Variants in ODAD2 observed in about 807,000 individuals in gnomAD.
ODAD2 encodes the protein outer dynein arm docking complex subunit 2, also known as outer dynein arm-docking complex subunit 2.
ODAD2 carries 89 observed loss-of-function variants against 106.8 expected under a neutral mutation model. That is an observed-to-expected ratio of 0.83 (90% CI 0.70 to 0.99). The LOEUF (loss-of-function observed/expected upper bound fraction) is 0.99, where lower values mean the gene tolerates loss of function less well. Among genes scored for constraint, ODAD2 ranks in the 50% least tolerant of loss-of-function variants. ODAD2 has a pLI of 0.00. For missense variants in ODAD2, 1,168 were observed against 1,238.5 expected (o/e 0.94, Z 0.85); for synonymous variants, 404 against 436.2 (o/e 0.93, Z 0.92).
chr10:27,843,488 G>A (rs1005963537), intron 19 of ODAD2, among the ~76,000 whole-genome samples: 6 of 152,128 alleles, frequency 3.9e-5, no homozygotes, highest in South Asian at 2.1e-4. Flanking sequence ...ACTGAGGGCC[G>A]GGCATGGTGG....
At chr10:27,969,139 G>C in intron 8 of ODAD2, 121 bp from the exon 9 acceptor site, 6 of 657,642 alleles carry the variant, frequency 9.1e-6, no homozygotes, top group Non-Finnish European at 1.6e-5. Flanking sequence ...GCGTGTTCCT[G>C]ACAAGAGTTC....
In ODAD2 at chr10:27,897,791, G is replaced by A. The variant is rs575754678; in HGVS notation, c.2610+9872C>T. Among the ~76,000 whole-genome samples the A allele has an allele frequency of 5.3e-5, 8 of 152,208 alleles. No individual in the cohort carries two copies. In the South Asian group the frequency reaches 8.3e-4, roughly 16 times the overall value. ...GTCTTTCCTTTAAGACAAGAAGAGGGCTGGAGGCAGGGAGTATTCAGAGGG... is the reference window on the plus strand; with the variant it reads ...GTCTTTCCTTTAAGACAAGAAGAGGACTGGAGGCAGGGAGTATTCAGAGGG... On this transcript the variant is annotated intron_variant, in intron 17 of 19. Transcript: ENST00000305242.
chr10:27,918,706 A>C (rs1844565377), intron 16 of ODAD2, among the ~76,000 whole-genome samples: 1 of 151,864 alleles, frequency 6.6e-6, no homozygotes, highest in Non-Finnish European at 1.5e-5. Flanking sequence ...AGCACACACA[A>C]AAAAGAAATA....
chr10:27,925,920 T>C (rs187066998), intron 16 of ODAD2, among the ~76,000 whole-genome samples: 4 of 151,016 alleles, frequency 2.6e-5, no homozygotes, highest in Admixed American at 6.6e-5. Flanking sequence ...ACAGGAGAAT[T>C]GCTTGAGCCC....
intron 16 of ODAD2, among the ~76,000 whole-genome samples, chr10:27,926,037 C>G (rs1845236407): frequency 6.7e-6 from 1 of 149,690 alleles, no homozygotes; most frequent in African/African-American, 2.5e-5. Flanking sequence ...AACACTTTCT[C>G]TAATGTTAGA....
intron 19 of ODAD2, among the ~76,000 whole-genome samples, chr10:27,822,884 C>T (rs1238970840): frequency 3.3e-5 from 5 of 152,120 alleles, no homozygotes; most frequent in Non-Finnish European, 5.9e-5. Flanking sequence ...CTAAGTTTAT[C>T]CTCTGGGTTT....
At chr10:27,941,986 T>C (rs1846487004) in intron 12 of ODAD2, among the ~76,000 whole-genome samples, 1 of 152,186 alleles carries the variant, frequency 6.6e-6, no homozygotes, top group Non-Finnish European at 1.5e-5. Flanking sequence ...TAATTAGTTA[T>C]GGCCCCAGGA....
chr10:27,962,768 G>C (rs3952837), intron 9 of ODAD2, among the ~76,000 whole-genome samples: 1 of 151,722 alleles, frequency 6.6e-6, no homozygotes, highest in Non-Finnish European at 1.5e-5. Context: ...GCTTGTCTCC[G>C]CCTCCCACCG....
Position 27,984,274 on chromosome 10 carries a change from G to A in ODAD2, c.592C>T (p.Pro198Ser), listed in dbSNP as rs548373129. 1 of 1,610,812 alleles carries A rather than the reference G, an allele frequency of 6.2e-7. No homozygotes were observed. The highest frequency in any genetic ancestry group is 1.3e-5 in the African/African-American group (1 of 74,818). The change falls in exon 5 of 20, where the codon CCC (proline) becomes TCC (serine). Residue 198 changes from proline (P) to serine (S), a missense_variant. Around this residue, in one of 3 missense-constraint regions of ODAD2, gnomAD observed 430 missense variants for 452.2 expected, o/e 0.95. Coordinates refer to ENST00000305242, the MANE Select transcript of ODAD2 (RefSeq NM_018076.5). ...KHISLEISLSPMTVKKDIELL... is the reference protein window; with the variant it reads ...KHISLEISLSSMTVKKDIELL... ...TCTATATCCTTCTTCACCGTCATGG[G>A]ACTTAAACTTATTTCTCTGAAATAA...
chr10:27,933,273 A>C (rs79582289), intron 16 of ODAD2, among the ~76,000 whole-genome samples: 4,380 of 152,218 alleles, frequency 0.029, 72 homozygotes, highest in Non-Finnish European at 0.046. Context: ...AAACAAAACA[A>C]ATAAGAATGT....
At chr10:27,817,199 C>T (rs1365050936) in intron 19 of ODAD2, among the ~76,000 whole-genome samples, 1 of 152,168 alleles carries the variant, frequency 6.6e-6, no homozygotes, top group African/African-American at 2.4e-5. Flanking sequence ...TTTGGTTATC[C>T]TAACACATGG....
Position 27,944,236 on chromosome 10 carries a change from C to T in ODAD2, c.1729G>A (p.Gly577Ser). The T allele has an allele frequency of 1.2e-6, 2 of 1,612,348 alleles. No homozygotes were observed. Among genetic ancestry groups the T allele is most frequent in the Non-Finnish European group, 1.7e-6 (2 of 1,179,770 alleles). Reference sequence around the variant, plus strand: ...CGGCTACTCACCAGTTTGGTGATACCCCCGTGCTGCCTCACCACCCGCCGT... The same window carrying T: ...CGGCTACTCACCAGTTTGGTGATACTCCCGTGCTGCCTCACCACCCGCCGT... ...RARRVVRQHG[G>S]ITKLVALLDC... is the part of the protein sequence containing the mutation. The change falls in exon 12 of 20, where the codon GGT (glycine) becomes AGT (serine). Residue 577 changes from glycine (G) to serine (S), a missense_variant. Transcript: ENST00000305242.
At chr10:27,959,682 C>A (rs930127976) in intron 10 of ODAD2, among the ~76,000 whole-genome samples, 2 of 152,070 alleles carry the variant, frequency 1.3e-5, no homozygotes, top group African/African-American at 4.8e-5. Context: ...AATCAAAATT[C>A]CTAGGAATTT....
chr10:27,965,898 G>A (rs559939614), intron 9 of ODAD2, among the ~76,000 whole-genome samples: 6 of 152,178 alleles, frequency 3.9e-5, no homozygotes, highest in East Asian at 1.9e-4. Context: ...TTAAACTCAC[G>A]GGCAAGGACT....
At chr10:27,891,692 ACT>A in intron 17 of ODAD2, among the ~76,000 whole-genome samples, 1 of 152,134 alleles carries the variant, frequency 6.6e-6, no homozygotes, top group Non-Finnish European at 1.5e-5. Flanking sequence ...ACTTTTAAAA[ACT>A]CATTAATGAA....
At chr10:27,878,859 TA>T (rs1169786612) in intron 17 of ODAD2, among the ~76,000 whole-genome samples, 2 of 152,018 alleles carry the variant, frequency 1.3e-5, no homozygotes, top group Non-Finnish European at 2.9e-5. Flanking sequence ...CCAACAACTT[TA>T]AAAAAAATTA....
chr10:27,982,383 T>G (rs1849608026), intron 6 of ODAD2, among the ~76,000 whole-genome samples: 1 of 152,192 alleles, frequency 6.6e-6, no homozygotes, highest in Non-Finnish European at 1.5e-5. Flanking sequence ...AAATAAGTTA[T>G]ATGTATGTAG....
rs78244072 is a variant in ODAD2 at position 27,990,245 on chromosome 10, T to C, written c.225-2702A>G. Among the ~76,000 whole-genome samples the C allele has an allele frequency of 6.4e-3, 976 of 152,268 alleles. 11 individuals are homozygous for C. Among genetic ancestry groups the C allele is most frequent in the African/African-American group, 0.023 (937 of 41,558 alleles). On this transcript the variant is annotated intron_variant, in intron 2 of 19. Coordinates refer to ENST00000305242, the MANE Select transcript of ODAD2 (RefSeq NM_018076.5). ...TCTCTGCAGCCTCGAACTCCTGGGC[T>C]CAAGGGATTCTTCTCCCTCAGCTTC...
chr10:27,834,240 A>G (rs1430297197), intron 19 of ODAD2, among the ~76,000 whole-genome samples: 1 of 152,166 alleles, frequency 6.6e-6, no homozygotes, highest in African/African-American at 2.4e-5. Context: ...CCCTGGCGTA[A>G]CATTATACGT....
Sources: allele counts gnomAD v4.1 joint callset (sites outside exome capture counted in the v4.1 genomes callset), GRCh38; gene constraint gnomAD v4.1.1; regional missense constraint gnomAD v4.1.1; transcripts MANE v1.5; gene names NCBI Gene and HGNC (gene_info 2026-07-23, HGNC 2026-07-21).